Variants in STK39 observed in about 807,000 individuals in gnomAD.
The protein encoded by STK39 is STE20/SPS1-related proline-alanine-rich protein kinase.
Under a neutral mutation model 77.8 loss-of-function variants are expected in STK39, and 20 were observed. That is an observed-to-expected ratio of 0.26 (90% CI 0.18 to 0.37). The LOEUF is 0.37. Among genes scored for constraint, STK39 ranks in the 10% least tolerant of loss-of-function variants. The probability of loss-of-function intolerance (pLI) is 1.00; values close to 1 mark genes in which losing one functional copy is unlikely to be tolerated. For missense variants in STK39, 479 were observed against 656.5 expected, an observed-to-expected ratio of 0.73 and a Z score of 2.95; for synonymous variants, 246 against 234.1, an observed-to-expected ratio of 1.05 and a Z score of -0.47.
chr2:168,146,948 C>T (rs953851586), intron 5 of STK39, among the ~76,000 whole-genome samples: 2 of 152,220 alleles, frequency 1.3e-5, no homozygotes, highest in African/African-American at 4.8e-5. Flanking sequence ...TGCCAAGGAA[C>T]ACACAGCAAG....
chr2:168,146,516 G>T (rs1038528340), intron 5 of STK39, among the ~76,000 whole-genome samples: 1 of 152,150 alleles, frequency 6.6e-6, no homozygotes, highest in African/African-American at 2.4e-5. Flanking sequence ...TGGAGCAATA[G>T]GAGCCCCCAT....
chr2:168,214,320 T>A (rs530198073), intron 1 of STK39, among the ~76,000 whole-genome samples: 38 of 151,880 alleles, frequency 2.5e-4, no homozygotes, highest in African/African-American at 9.2e-4. Flanking sequence ...TAGATCTCAA[T>A]AAAGATTGAT....
intron 16 of STK39, among the ~76,000 whole-genome samples, chr2:167,990,024 T>C (rs1476405258): frequency 6.6e-6 from 1 of 151,846 alleles, no homozygotes; most frequent in Admixed American, 6.6e-5. Context: ...ATCATCATCA[T>C]CATCTTCAAA....
At chr2:168,107,404 G>T (rs950400048) in intron 10 of STK39, among the ~76,000 whole-genome samples, 2 of 152,116 alleles carry the variant, frequency 1.3e-5, no homozygotes, top group Admixed American at 1.3e-4. Flanking sequence ...CACTTGTCAC[G>T]TGCCTTCTTG....
Position 168,247,313 on chromosome 2 carries a change from C to CGGGGCG in STK39, c.122_123insCGCCCC (p.Pro49_Ala50dup). On this transcript the variant is annotated inframe_insertion, in exon 1 of 18. Transcript: ENST00000355999. ...CCGGGGCCGGGGCCGGGGCCGGGGC[C>CGGGGCG]GCGGGAGCTGCCGGGGCCGGCGCTG... is the stretch of plus-strand genomic sequence containing the variant. 2 of 1,038,988 alleles carry CGGGGCG rather than the reference C, an allele frequency of 1.9e-6. No homozygotes were observed. The highest frequency in any genetic ancestry group is 8.9e-5 in the South Asian group (2 of 22,550). 64.4% of individuals were successfully genotyped at this position (1,038,988 alleles called of 1,614,324 possible).
At chr2:167,994,744 G>A (rs1006175565) in intron 16 of STK39, among the ~76,000 whole-genome samples, 1 of 152,096 alleles carries the variant, frequency 6.6e-6, no homozygotes, top group East Asian at 1.9e-4. Flanking sequence ...ATGCTTTCGA[G>A]GTTCATTTCA....
At chr2:168,054,840 C>T (rs145756034) in intron 14 of STK39, among the ~76,000 whole-genome samples, 9 of 152,086 alleles carry the variant, frequency 5.9e-5, no homozygotes, top group Non-Finnish European at 7.4e-5. Flanking sequence ...AACAAGCACA[C>T]CAAAGATAAC....
At chr2:168,122,725 C>T (rs958493354) in intron 10 of STK39, among the ~76,000 whole-genome samples, 12 of 152,116 alleles carry the variant, frequency 7.9e-5, no homozygotes, top group Admixed American at 2.0e-4. Flanking sequence ...GTGTGAGCCA[C>T]CACACTCAGC....
intron 16 of STK39, among the ~76,000 whole-genome samples, chr2:167,966,820 C>T (rs1249314486): frequency 6.6e-6 from 1 of 152,240 alleles, no homozygotes; most frequent in Non-Finnish European, 1.5e-5. Context: ...TACCTGATTA[C>T]TTATCCCAGC....
At chr2:168,160,761 C>T (rs13423514) in intron 5 of STK39, among the ~76,000 whole-genome samples, 42,195 of 151,798 alleles carry the variant, frequency 0.28, 6,746 homozygotes, top group East Asian at 0.56. Context: ...AGTTTGAAAT[C>T]TTTGCCCACA....
intron 14 of STK39, among the ~76,000 whole-genome samples, chr2:168,041,818 T>G (rs1478279897): frequency 6.6e-6 from 1 of 152,232 alleles, no homozygotes; most frequent in Non-Finnish European, 1.5e-5. Context: ...TTATGTTGTA[T>G]GCTGTAATTC....
chr2:167,995,343 C>T (rs1683809449), intron 16 of STK39, among the ~76,000 whole-genome samples: 1 of 152,080 alleles, frequency 6.6e-6, no homozygotes, highest in Admixed American at 6.5e-5. Context: ...CTCTTGACCT[C>T]GTGATGCACC....
chr2:168,159,612 T>G (rs554950935), intron 5 of STK39, among the ~76,000 whole-genome samples: 1 of 152,338 alleles, frequency 6.6e-6, no homozygotes, highest in Admixed American at 6.5e-5. Context: ...TTGGATGTTA[T>G]GATCAGGTCA....
At chr2:168,020,471 GCTA>G (rs1036908946) in intron 14 of STK39, among the ~76,000 whole-genome samples, 3 of 151,990 alleles carry the variant, frequency 2.0e-5, no homozygotes, top group African/African-American at 7.2e-5. Context: ...GTAATTTCTT[GCTA>G]CTATTATAAA....
At chr2:168,065,295 G>GGAAT in intron 13 of STK39, 24 bp downstream of exon 13, 1 of 1,613,218 alleles carries the variant, frequency 6.2e-7, no homozygotes, top group Non-Finnish European at 8.5e-7. Flanking sequence ...CACCTCAAAC[G>GGAAT]GAATGACTGG....
chr2:168,150,825 C>T (rs1274918442), intron 5 of STK39, among the ~76,000 whole-genome samples: 1 of 152,060 alleles, frequency 6.6e-6, no homozygotes, highest in African/African-American at 2.4e-5. Context: ...TCACACACCA[C>T]TACATATTGG....
At chr2:168,232,539 C>T (rs921971735) in intron 1 of STK39, among the ~76,000 whole-genome samples, 1 of 152,180 alleles carries the variant, frequency 6.6e-6, no homozygotes, top group Non-Finnish European at 1.5e-5. Flanking sequence ...TTCAATTATC[C>T]TCCTTTTCCA....
chr2:168,136,293 C>T lies in STK39; in HGVS notation c.974+1795G>A, dbSNP rs1199354668. 4.7e-5 allele frequency among the ~76,000 whole-genome samples: 7 copies of T among 148,430 alleles called. 1 individual carries two copies. In the Middle Eastern group the frequency reaches 0.011, roughly 224 times the overall value. ...GTGAGGCAGGAGAATCACTTGAACC[C>T]GGGAGGTAGAGGTTGCAGTGAGCCA... On this transcript the variant is annotated intron_variant, in intron 8 of 17. Transcript: ENST00000355999.
At chr2:168,193,871 G>A (rs992027195) in intron 1 of STK39, among the ~76,000 whole-genome samples, 1 of 152,214 alleles carries the variant, frequency 6.6e-6, no homozygotes, top group African/African-American at 2.4e-5. Flanking sequence ...TGCTACCACA[G>A]AGGTGGCATA....
Sources: gnomAD v4.1 joint callset for allele counts (sites outside exome capture counted in the v4.1 genomes callset) on GRCh38, gnomAD v4.1.1 for gene constraint, MANE v1.5 for transcripts, NCBI Gene and HGNC (gene_info 2026-07-23, HGNC 2026-07-21) for gene names.